The following STK32B variants were observed in gnomAD, a reference collection of about 807,000 sequenced individuals.
STK32B encodes the protein serine/threonine-protein kinase 32B.
Under a neutral mutation model 52.6 loss-of-function variants are expected in STK32B, and 43 were observed. That is an observed-to-expected ratio of 0.82 (90% CI 0.64 to 1.05). The LOEUF (loss-of-function observed/expected upper bound fraction) is 1.05, where lower values mean the gene tolerates loss of function less well. STK32B is among the 50% of genes least tolerant of loss of function. The pLI, the probability that STK32B is intolerant of heterozygous loss-of-function variation, is 0.00. For synonymous variants in STK32B, 238 were observed against 204.3 expected (o/e 1.17, Z -1.41); for missense variants, 621 against 534.6 (o/e 1.16, Z -1.59).
intron 3 of STK32B, among the ~76,000 whole-genome samples, chr4:5,220,401 TA>T (rs1394266387): frequency 6.6e-6 from 1 of 152,162 alleles, no homozygotes; most frequent in African/African-American, 2.4e-5. Context: ...TAGAGAGTAG[TA>T]AACAAAGGGG....
intron 1 of STK32B, among the ~76,000 whole-genome samples, chr4:5,065,893 C>T (rs1361820714): frequency 6.6e-6 from 1 of 151,938 alleles, no homozygotes; most frequent in Non-Finnish European, 1.5e-5. Context: ...CCATCTAATT[C>T]TTGTATTTTT....
chr4:5,034,090 C>T, the STK32B span, among the ~76,000 whole-genome samples: 3 of 152,208 alleles, frequency 2.0e-5, no homozygotes, highest in Non-Finnish European at 2.9e-5. Flanking sequence ...ATGCCACATA[C>T]GTTTCCAGGC....
At chr4:5,090,381 T>G (rs1713005579) in intron 1 of STK32B, among the ~76,000 whole-genome samples, 1 of 144,016 alleles carries the variant, frequency 6.9e-6, no homozygotes. Context: ...TTTTTTTTTT[T>G]TTTTTTTTTT....
chr4:5,134,522 T>A (rs1204293721), intron 1 of STK32B, among the ~76,000 whole-genome samples: 1 of 152,162 alleles, frequency 6.6e-6, no homozygotes, highest in Non-Finnish European at 1.5e-5. Flanking sequence ...GAAAAAATAA[T>A]TAAAAATAAA....
chr4:5,428,037 A>G (rs1384206796), intron 6 of STK32B, among the ~76,000 whole-genome samples: 1 of 152,014 alleles, frequency 6.6e-6, no homozygotes, highest in East Asian at 1.9e-4. Flanking sequence ...ATTTAATGCT[A>G]TAAATTTTGT....
chr4:5,326,803 A>G (rs891811691), intron 3 of STK32B, among the ~76,000 whole-genome samples: 3 of 152,212 alleles, frequency 2.0e-5, no homozygotes, highest in Non-Finnish European at 4.4e-5. Context: ...ATTTCTTAAA[A>G]TAAGAAAACA....
intron 1 of STK32B, among the ~76,000 whole-genome samples, chr4:5,098,231 T>TA (rs1435166660): frequency 2.0e-5 from 3 of 152,206 alleles, no homozygotes; most frequent in Non-Finnish European, 4.4e-5. Context: ...TGAAAAGTGT[T>TA]AAAGACAGTG....
intron 5 of STK32B, among the ~76,000 whole-genome samples, chr4:5,409,781 A>T (rs1433288236): frequency 1.3e-5 from 2 of 152,146 alleles, no homozygotes; most frequent in Non-Finnish European, 2.9e-5. Flanking sequence ...TCACCTGTGC[A>T]TGGGGGCAGC....
chr4:5,035,458 C>T, the STK32B span, among the ~76,000 whole-genome samples: 12 of 152,252 alleles, frequency 7.9e-5, no homozygotes, highest in East Asian at 7.7e-4. Context: ...GAAAGGGGGA[C>T]GATATGCTCG....
chr4:5,134,708 C>G (rs1197574303), intron 1 of STK32B, among the ~76,000 whole-genome samples: 1 of 152,234 alleles, frequency 6.6e-6, no homozygotes, highest in Middle Eastern at 3.2e-3. Flanking sequence ...CATGTGCAAA[C>G]TTGTGCCCAG....
intron 3 of STK32B, among the ~76,000 whole-genome samples, chr4:5,272,469 T>G (rs1184795215): frequency 6.9e-6 from 1 of 145,086 alleles, no homozygotes; most frequent in African/African-American, 2.6e-5. Context: ...AAATTCTCTT[T>G]TTTGGTTGTG....
intron 1 of STK32B, among the ~76,000 whole-genome samples, chr4:5,096,663 C>T (rs1211183399): frequency 1.3e-5 from 2 of 152,202 alleles, no homozygotes; most frequent in African/African-American, 4.8e-5. Flanking sequence ...TTGGCATCTA[C>T]GGCACCTGCT....
At chr4:5,389,207 T>C (rs889571136) in intron 4 of STK32B, among the ~76,000 whole-genome samples, 4 of 152,242 alleles carry the variant, frequency 2.6e-5, no homozygotes, top group South Asian at 2.1e-4. Context: ...ATATCCTGGC[T>C]GTCCCACATA....
chr4:5,286,794 C>CT (rs60300816), intron 3 of STK32B, among the ~76,000 whole-genome samples: 3,192 of 113,234 alleles, frequency 0.028, 242 homozygotes, highest in African/African-American at 0.081. Flanking sequence ...TACAGATGTA[C>CT]TTTTTTTTTT....
intron 3 of STK32B, among the ~76,000 whole-genome samples, chr4:5,260,107 A>G (rs938000603): frequency 1.3e-5 from 2 of 151,960 alleles, no homozygotes; most frequent in African/African-American, 4.8e-5. Context: ...ACGTGCACGC[A>G]CACACACACG....
chr4:5,488,233 G>A (rs1332050433), intron 11 of STK32B, among the ~76,000 whole-genome samples: 1 of 152,174 alleles, frequency 6.6e-6, no homozygotes, highest in African/African-American at 2.4e-5. Context: ...GGGAGGCAGA[G>A]GTTGCAGTGA....
upstream of STK32B, among the ~76,000 whole-genome samples, chr4:5,047,291 G>C (rs965347312): frequency 4.7e-5 from 7 of 148,846 alleles, no homozygotes; most frequent in Non-Finnish European, 8.9e-5. Context: ...TGAACAATGA[G>C]AACACATGGA....
chr4:5,221,350 A>C (rs1371550139), intron 3 of STK32B, among the ~76,000 whole-genome samples: 2 of 152,340 alleles, frequency 1.3e-5, no homozygotes, highest in Non-Finnish European at 2.9e-5. Flanking sequence ...AGAAAATAAA[A>C]TTAGCAGGAG....
At chr4:5,328,293 A>G (rs558958595) in intron 3 of STK32B, among the ~76,000 whole-genome samples, 1 of 152,072 alleles carries the variant, frequency 6.6e-6, no homozygotes, top group Non-Finnish European at 1.5e-5. Flanking sequence ...AACTTGGCCA[A>G]CTTTATGTTG....
Sources: gnomAD v4.1 joint callset for allele counts (sites outside exome capture counted in the v4.1 genomes callset) on GRCh38, gnomAD v4.1.1 for gene constraint, MANE v1.5 for transcripts, NCBI Gene and HGNC (gene_info 2026-07-23, HGNC 2026-07-21) for gene names.